The following PRP4K variants were observed in gnomAD, a reference collection of about 807,000 sequenced individuals.
PRP4K encodes pre-mRNA processing factor kinase PRP4K.
At chr6:4,031,159 G>A in the PRP4K span, among the ~76,000 whole-genome samples, 1 of 152,088 alleles carries the variant, frequency 6.6e-6, no homozygotes, top group Non-Finnish European at 1.5e-5. Flanking sequence ...AAAAGAAAAC[G>A]GGCCCTTTGG....
the PRP4K span, chr6:4,021,485 T>G: frequency 6.4e-7 from 1 of 1,574,794 alleles, no homozygotes; most frequent in Non-Finnish European, 8.6e-7. Flanking sequence ...TCTCTGTGAG[T>G]GGGCCAGAAG....
the PRP4K span, chr6:4,032,790 A>T: frequency 6.8e-7 from 1 of 1,461,032 alleles, no homozygotes; most frequent in Non-Finnish European, 9.0e-7. Context: ...GCTTTTTACC[A>T]GTGCATGAGA....
chr6:4,037,390 C>T, the PRP4K span: 4 of 1,597,546 alleles, frequency 2.5e-6, no homozygotes, highest in South Asian at 2.3e-5. Context: ...CATTTGATCC[C>T]CTTAAGAACA....
At chr6:4,062,480 G>A in the PRP4K span, 1 of 152,584 alleles carries the variant, frequency 6.6e-6, no homozygotes, top group South Asian at 2.1e-4. This position sits in a 1 kb window ranked among gnomAD's most constrained non-coding sequence, Gnocchi z 4.2. Context: ...TCTCCCTGAG[G>A]AATATGGAAA....
At chr6:4,049,544 G>A in the PRP4K span, 83 of 591,142 alleles carry the variant, frequency 1.4e-4, no homozygotes, top group African/African-American at 1.5e-3. Flanking sequence ...GTGATCTGAA[G>A]TAGGCATGCA....
the PRP4K span, among the ~76,000 whole-genome samples, chr6:4,044,863 A>AATT: frequency 7.6e-6 from 1 of 132,326 alleles, no homozygotes; most frequent in Non-Finnish European, 1.6e-5. Flanking sequence ...TATTATTATT[A>AATT]TTTTTTTTTT....
chr6:4,049,591 G>C, the PRP4K span: 1 of 775,480 alleles, frequency 1.3e-6, no homozygotes, highest in African/African-American at 1.8e-5. Context: ...ATCAGTGGAG[G>C]CATGGCTTTG....
chr6:4,042,073 T>G, the PRP4K span, among the ~76,000 whole-genome samples: 1 of 152,200 alleles, frequency 6.6e-6, no homozygotes, highest in Non-Finnish European at 1.5e-5. Flanking sequence ...GATAGGGAAG[T>G]ACGGGTATAG....
chr6:4,040,034 C>T, the PRP4K span, among the ~76,000 whole-genome samples: 1 of 151,906 alleles, frequency 6.6e-6, no homozygotes, highest in African/African-American at 2.4e-5. Context: ...TAGGCACGCA[C>T]CACCACACCC....
chr6:4,056,410 T>C, the PRP4K span: 1 of 1,614,030 alleles, frequency 6.2e-7, no homozygotes, highest in Non-Finnish European at 8.5e-7. Context: ...ATCTTGTCAG[T>C]AGATTTTATC....
the PRP4K span, among the ~76,000 whole-genome samples, chr6:4,031,258 C>G: frequency 6.6e-6 from 1 of 152,174 alleles, no homozygotes; most frequent in African/African-American, 2.4e-5. Context: ...TTTGCTGTGC[C>G]TGGTTTGCTT....
the PRP4K span, chr6:4,049,254 T>C: frequency 1.0e-5 from 7 of 701,448 alleles, no homozygotes; most frequent in East Asian, 1.4e-4. Context: ...AACAGCTGCA[T>C]GAACTCGTGT....
the PRP4K span, among the ~76,000 whole-genome samples, chr6:4,024,659 G>A: frequency 6.6e-6 from 1 of 152,144 alleles, no homozygotes; most frequent in Non-Finnish European, 1.5e-5. Context: ...CTGGAGTGCA[G>A]TAGCGCAATC....
chr6:4,055,751 A>T, the PRP4K span, among the ~76,000 whole-genome samples: 1 of 152,222 alleles, frequency 6.6e-6, no homozygotes, highest in African/African-American at 2.4e-5. Flanking sequence ...GTTTTGCCAG[A>T]TATATTTAAC....
chr6:4,026,744 G>A, the PRP4K span, among the ~76,000 whole-genome samples: 1 of 152,200 alleles, frequency 6.6e-6, no homozygotes, highest in Non-Finnish European at 1.5e-5. Context: ...ATGATAGGGA[G>A]AGACAAACAA....
At chr6:4,031,922 C>A in the PRP4K span, 1 of 1,613,782 alleles carries the variant, frequency 6.2e-7, no homozygotes, top group Non-Finnish European at 8.5e-7. Flanking sequence ...GTATGGGGCT[C>A]ATTTTGCAAG....
At chr6:4,053,165 C>A in the PRP4K span, among the ~76,000 whole-genome samples, 1 of 152,110 alleles carries the variant, frequency 6.6e-6, no homozygotes, top group Non-Finnish European at 1.5e-5. Flanking sequence ...TGAGTTTCTT[C>A]TGTTATCTTT....
the PRP4K span, among the ~76,000 whole-genome samples, chr6:4,038,173 G>C: frequency 6.6e-6 from 1 of 152,066 alleles, no homozygotes; most frequent in East Asian, 1.9e-4. Context: ...TAATTTTTAA[G>C]AAACAAAGGC....
chr6:4,064,542 C>T, the PRP4K span: 1 of 152,262 alleles, frequency 6.6e-6, no homozygotes, highest in Non-Finnish European at 1.5e-5. Context: ...TAATTTTCCT[C>T]ATTTAGTTAT....
Sources: gnomAD v4.1 joint callset for allele counts (sites outside exome capture counted in the v4.1 genomes callset) on GRCh38, gnomAD v4.1.1 for gene constraint, Gnocchi (gnomAD v3.1) non-coding constraint, MANE v1.5 for transcripts, NCBI Gene and HGNC (gene_info 2026-07-23, HGNC 2026-07-21) for gene names.